RNF157: variants seen among roughly 807,000 people sequenced by gnomAD.
RNF157 encodes E3 ubiquitin ligase RNF157.
In RNF157, 55 loss-of-function variants were observed where a neutral mutation model predicts 88.3. That is an observed-to-expected ratio of 0.62 (90% CI 0.50 to 0.78). The LOEUF (loss-of-function observed/expected upper bound fraction) is 0.78, where lower values mean the gene tolerates loss of function less well. RNF157 is among the 30% of genes least tolerant of loss of function. RNF157 has a pLI of 0.00. For synonymous variants in RNF157, 334 were observed against 341.2 expected (o/e 0.98, Z 0.23); for missense variants, 788 against 860.8 (o/e 0.92, Z 1.06).
chr17:76,166,978 A>T (rs2068936251), intron 5 of RNF157, 31 bp downstream of exon 5: 1 of 1,511,264 alleles, frequency 6.6e-7, no homozygotes, highest in Non-Finnish European at 9.0e-7. Flanking sequence ...TTCTGAGTGG[A>T]TGTGGGAAAC....
intron 2 of RNF157, among the ~76,000 whole-genome samples, chr17:76,210,601 A>AAG (rs2069778046): frequency 6.7e-6 from 1 of 148,418 alleles, no homozygotes; most frequent in East Asian, 2.0e-4. Context: ...AAAAAAAAAA[A>AAG]AAAGAAAGAA....
intron 8 of RNF157, chr17:76,163,875 C>A (rs1199428045): frequency 6.6e-6 from 1 of 152,216 alleles, no homozygotes; most frequent in Non-Finnish European, 1.5e-5. Context: ...TCCTCCTCTG[C>A]TGCTCTTAAA....
chr17:76,228,925 AAAT>A (rs985525606), intron 1 of RNF157, among the ~76,000 whole-genome samples: 2 of 151,428 alleles, frequency 1.3e-5, no homozygotes, highest in African/African-American at 2.4e-5. Context: ...CTCCATTTCA[AAAT>A]AATAATAATA....
At chr17:76,200,269 C>A (rs771066358) in intron 2 of RNF157, among the ~76,000 whole-genome samples, 32 of 151,160 alleles carry the variant, frequency 2.1e-4, no homozygotes, top group Middle Eastern at 3.4e-3. Flanking sequence ...AAACAAAAAC[C>A]AAAAAAAACC....
chr17:76,143,067 G>T lies in RNF157; in HGVS notation c.*2168C>A, dbSNP rs2068537671. ...ACTGAGGACCAGCTCCTTGGATGGA[G>T]TATTTCTGTGGGCCAGAGAGCTAAA... On this transcript the variant is annotated 3_prime_UTR_variant, in exon 19 of 19. Coordinates refer to ENST00000269391, the MANE Select transcript of RNF157 (RefSeq NM_052916.3). 6.6e-6 allele frequency: 1 copy of T among 152,310 alleles called. No individual in the cohort carries two copies. Among genetic ancestry groups the T allele is most frequent in the African/African-American group, 2.4e-5 (1 of 41,464 alleles). 9.4% of individuals were successfully genotyped at this position (152,310 alleles called of 1,614,324 possible). A position where few individuals can be genotyped will look rare whatever the true frequency, so the allele number is the denominator to read the frequency against.
At chr17:76,225,920 C>A (rs553391299) in intron 1 of RNF157, 1 of 1,613,192 alleles carries the variant, frequency 6.2e-7, no homozygotes, top group African/African-American at 1.3e-5. Context: ...CTTCTTCTGG[C>A]GGTACCTAGT....
chr17:76,226,916 T>C, intron 1 of RNF157: 1 of 844,804 alleles, frequency 1.2e-6, no homozygotes, highest in Non-Finnish European at 1.8e-6. Context: ...CTTAAGCCGC[T>C]GGGGGGTGCC....
Position 76,158,471 on chromosome 17 carries a change from A to C in RNF157, c.1335T>G (p.His445Gln), listed in dbSNP as rs143765215. The change falls in exon 13 of 19, where the codon CAT (histidine) becomes CAG (glutamine). Residue 445 changes from histidine (H) to glutamine (Q), a missense_variant. By Grantham distance (24) the His-to-Gln change is conservative (BLOSUM62 0). Transcript: ENST00000269391. ...KSTSQNSSVL[H>Q]EEEDEHSCSE... ...TGCAGGAATGCTCATCTTCCTCTTCATGCAGCACGGAAGAGTTTTGGGAAG... is the reference window on the plus strand; with the variant it reads ...TGCAGGAATGCTCATCTTCCTCTTCCTGCAGCACGGAAGAGTTTTGGGAAG... 1 of 1,613,834 alleles carries C rather than the reference A, an allele frequency of 6.2e-7. No individual in the cohort carries two copies. Among genetic ancestry groups the C allele is most frequent in the African/African-American group, 1.3e-5 (1 of 75,050 alleles).
intron 8 of RNF157, 174 bp downstream of exon 8, chr17:76,164,574 T>A: frequency 9.3e-5 from 39 of 419,008 alleles, no homozygotes; most frequent in Middle Eastern, 6.5e-4. Flanking sequence ...GCTTGTAACA[T>A]TCAAAAGCAC....
chr17:76,208,856 C>T (rs2069726598), intron 2 of RNF157, among the ~76,000 whole-genome samples: 1 of 151,970 alleles, frequency 6.6e-6, no homozygotes, highest in Non-Finnish European at 1.5e-5. Context: ...CACCTGTAAT[C>T]CCAGCTAGTC....
In RNF157 at chr17:76,152,197, T is replaced by C. The variant is rs113207317; in HGVS notation, c.1921+158A>G. Among the ~76,000 whole-genome samples the C allele has an allele frequency of 5.6e-3, 851 of 152,324 alleles. 12 individuals carry two copies. The highest frequency in any genetic ancestry group is 0.018 in the African/African-American group (728 of 41,562). ...AAAAGCTCAAGGACTCTCCCAGGCC[T>C]TCTTACTTCCTTCAGCAACTGGTCT... On this transcript the variant is annotated intron_variant, in intron 18 of 18. Coordinates refer to ENST00000269391, the MANE Select transcript of RNF157 (RefSeq NM_052916.3).
At chr17:76,236,677 T>C (rs2070287835) in intron 1 of RNF157, among the ~76,000 whole-genome samples, 1 of 152,234 alleles carries the variant, frequency 6.6e-6, no homozygotes. Context: ...TTATTCATTG[T>C]TGCACTGTTT....
At chr17:76,212,513 A>G in intron 1 of RNF157, 31 bp from the exon 2 acceptor site, 2 of 1,377,912 alleles carry the variant, frequency 1.5e-6, no homozygotes, top group African/African-American at 2.9e-5. Flanking sequence ...AAAATCAAAC[A>G]AGCAGAAAAC....
At chr17:76,238,312 A>G (rs2070316886) in intron 1 of RNF157, among the ~76,000 whole-genome samples, 1 of 152,184 alleles carries the variant, frequency 6.6e-6, no homozygotes, top group Non-Finnish European at 1.5e-5. Flanking sequence ...TCTATTTTCT[A>G]TGTTTTAGCT....
chr17:76,192,841 C>CA (rs1183884566), intron 2 of RNF157, among the ~76,000 whole-genome samples: 1 of 134,310 alleles, frequency 7.4e-6, no homozygotes, highest in Non-Finnish European at 1.6e-5. Flanking sequence ...ACTTTCTTTC[C>CA]TTTTTTTTTT....
chr17:76,187,752 T>G (rs946189789), intron 2 of RNF157, among the ~76,000 whole-genome samples: 7 of 152,128 alleles, frequency 4.6e-5, no homozygotes, highest in Middle Eastern at 6.8e-3. Flanking sequence ...TGCCACCACA[T>G]CCAGCTAATT....
chr17:76,226,501 T>C, intron 1 of RNF157: 5 of 1,612,420 alleles, frequency 3.1e-6, no homozygotes, highest in Non-Finnish European at 4.2e-6. Flanking sequence ...CCAGGTCATC[T>C]ATACCCAACA....
chr17:76,169,479 C>T (rs1182984675), intron 3 of RNF157, among the ~76,000 whole-genome samples: 4 of 151,770 alleles, frequency 2.6e-5, no homozygotes. Flanking sequence ...ACTATGTTGC[C>T]CAGGCTGGTC....
intron 3 of RNF157, among the ~76,000 whole-genome samples, chr17:76,168,753 C>T (rs889316605): frequency 2.6e-5 from 4 of 152,140 alleles, no homozygotes; most frequent in South Asian, 2.1e-4. Context: ...CGGTGGAGCA[C>T]GTGTCCTGCC....
Sources: gnomAD v4.1 joint callset for allele counts (sites outside exome capture counted in the v4.1 genomes callset) on GRCh38, gnomAD v4.1.1 for gene constraint, MANE v1.5 for transcripts, NCBI Gene and HGNC (gene_info 2026-07-23, HGNC 2026-07-21) for gene names.